The following FKBP15 variants were observed in gnomAD, a reference collection of about 807,000 sequenced individuals.
FKBP15 encodes the protein FK506-binding protein 15.
FKBP15 carries 106 observed loss-of-function variants against 158.1 expected under a neutral mutation model. The observed-to-expected ratio is 0.67, with a 90% CI of 0.57 to 0.79. FKBP15 has a LOEUF of 0.79. Among genes scored for constraint, FKBP15 ranks in the 30% least tolerant of loss-of-function variants. The pLI, the probability that FKBP15 is intolerant of heterozygous loss-of-function variation, is 0.00. For missense variants in FKBP15, 1,287 were observed against 1,479.1 expected (o/e 0.87, Z 2.13); for synonymous variants, 547 against 548.6 (o/e 1.00, Z 0.04).
chr9:113,202,995 G>A lies in FKBP15; in HGVS notation c.365C>T (p.Thr122Met), dbSNP rs748094312. The A allele has an allele frequency of 2.7e-5, 44 of 1,612,442 alleles. No homozygotes were observed. The highest frequency in any genetic ancestry group is 8.9e-5 in the East Asian group (4 of 44,838). Residue 122 changes from threonine (T) to methionine (M), a missense_variant, in exon 5 of 28, where the codon ACG (threonine) becomes ATG (methionine). Physicochemically the swap from Thr to Met is moderately conservative, Grantham distance 81. Transcript: ENST00000238256. ...AAAGTTCACATGAATCCTAGCAACC[G>A]TAACTGGCTGTTGTTGACTGATATA... ...LLYISQQQPV[T>M]VARIHVNFEL...
chr9:113,166,130 G>A lies in FKBP15; in HGVS notation c.3608C>T (p.Thr1203Met), dbSNP rs369118111. 9 of 1,613,464 alleles carry A rather than the reference G, an allele frequency of 5.6e-6. No homozygotes were observed. The highest frequency in any genetic ancestry group is 2.2e-5 in the East Asian group (1 of 44,892). The change falls in exon 28 of 28, where the codon ACG becomes ATG. Residue 1203 changes from threonine to methionine, a missense_variant. Transcript: ENST00000238256. ...EVSMKGRPPP[T>M]PLFGDDDDDD... ...ATCATCATCATCTCCAAAAAGGGGC[G>A]TTGGGGGCGGGCGTCCCTTCATGCT... is the stretch of plus-strand genomic sequence containing the variant.
intron 15 of FKBP15, 89 bp downstream of exon 15, chr9:113,186,160 G>A (rs142603687): frequency 1.2e-6 from 1 of 837,132 alleles, no homozygotes; most frequent in Admixed American, 2.1e-5. Context: ...AATGAGTAGA[G>A]AGCTGTTGGT....
intron 3 of FKBP15, 33 bp downstream of exon 3, chr9:113,207,179 A>C (rs999939388): frequency 6.4e-7 from 1 of 1,574,584 alleles, no homozygotes; most frequent in Non-Finnish European, 8.7e-7. Context: ...CCTTCCACCA[A>C]ACTTCAGAGG....
intron 1 of FKBP15, among the ~76,000 whole-genome samples, chr9:113,217,490 G>A (rs572682660): frequency 2.9e-4 from 44 of 152,160 alleles, no homozygotes; most frequent in African/African-American, 1.0e-3. Context: ...GATTACAAGC[G>A]TGAACCACCA....
intron 2 of FKBP15, among the ~76,000 whole-genome samples, chr9:113,210,204 G>C (rs540177901): frequency 6.6e-6 from 1 of 152,206 alleles, no homozygotes; most frequent in East Asian, 1.9e-4. Flanking sequence ...TCTTAGAGAA[G>C]CACTCACCAC....
chr9:113,192,016 T>TA (rs1049076419), intron 11 of FKBP15, among the ~76,000 whole-genome samples: 3 of 145,474 alleles, frequency 2.1e-5, no homozygotes, highest in East Asian at 2.0e-4. Context: ...TTGCCTCCAT[T>TA]AAAAAAAACA....
chr9:113,167,386 AG>A (rs1830115438), intron 27 of FKBP15, among the ~76,000 whole-genome samples: 1 of 152,196 alleles, frequency 6.6e-6, no homozygotes, highest in Non-Finnish European at 1.5e-5. Context: ...AACTATATTT[AG>A]GGCAGTCACT....
intron 21 of FKBP15, among the ~76,000 whole-genome samples, chr9:113,175,738 A>C (rs1830288250): frequency 2.0e-5 from 3 of 152,250 alleles, no homozygotes; most frequent in Non-Finnish European, 4.4e-5. Context: ...CACTAAAGAG[A>C]GAATGTACAT....
chr9:113,205,106 G>T (rs28830537), intron 4 of FKBP15, among the ~76,000 whole-genome samples: 34,803 of 152,016 alleles, frequency 0.23, 4,727 homozygotes, highest in African/African-American at 0.36. Flanking sequence ...GAGGTGAATC[G>T]TCATGACCTT....
chr9:113,166,102 G>A lies in FKBP15; in HGVS notation c.3636C>T (p.Asp1212=), dbSNP rs113480944. ...TTCATCCCAGCCAGTCAATGTCATC[G>A]TCATCATCATCATCTCCAAAAAGGG... ...PTPLFGDDDD[D]DDIDWLG The change falls in exon 28 of 28, where the codon GAC becomes GAT. Residue 1212 remains aspartate, a synonymous_variant. Coordinates refer to ENST00000238256, the MANE Select transcript of FKBP15 (RefSeq NM_015258.2). 4.5e-5 allele frequency: 72 copies of A among 1,613,468 alleles called. 1 individual carries two copies. Among genetic ancestry groups the A allele is most frequent in the Admixed American group, 2.8e-4 (17 of 59,978 alleles).
At chr9:113,215,022 T>C (rs1289900863) in intron 1 of FKBP15, among the ~76,000 whole-genome samples, 1 of 152,242 alleles carries the variant, frequency 6.6e-6, no homozygotes, top group Non-Finnish European at 1.5e-5. Context: ...TTTAAGGAAA[T>C]TTGTGACTGG....
At chr9:113,171,817 A>G in intron 23 of FKBP15, 111 bp from the exon 24 acceptor site, 4 of 912,094 alleles carry the variant, frequency 4.4e-6, no homozygotes, top group Non-Finnish European at 6.1e-6. Flanking sequence ...TTTTTTGCAT[A>G]TAATAAAAAG....
intron 27 of FKBP15, among the ~76,000 whole-genome samples, chr9:113,167,349 T>C (rs963309948): frequency 3.2e-4 from 48 of 152,214 alleles, no homozygotes; most frequent in African/African-American, 1.1e-3. Flanking sequence ...CTAATACCAA[T>C]AATATGCTCA....
At position 113,165,004 on chromosome 9, in the gene FKBP15, A is replaced by ACAT; in HGVS notation, c.*1071_*1073dup. The ACAT allele has an allele frequency of 6.6e-6, 1 of 152,292 alleles. No individual in the cohort carries two copies. The highest frequency in any genetic ancestry group is 3.4e-3 in the Middle Eastern group (1 of 294). The allele number at this position is 152,292 out of a possible 1,614,324, so 9.4% of individuals were successfully genotyped here. On this transcript the variant is annotated 3_prime_UTR_variant, in exon 28 of 28. Coordinates refer to ENST00000238256, the MANE Select transcript of FKBP15 (RefSeq NM_015258.2). Reference sequence around the variant, plus strand: ...GGAATTTTGGGTCCTATCTTTTAAAACATTTAAAATCAAGAAACATTTTTT... The same window carrying ACAT: ...GGAATTTTGGGTCCTATCTTTTAAAACATCATTTAAAATCAAGAAACATTTTTT...
intron 1 of FKBP15, among the ~76,000 whole-genome samples, chr9:113,215,753 G>A (rs965287111): frequency 6.1e-5 from 9 of 147,380 alleles, no homozygotes; most frequent in African/African-American, 1.3e-4. Flanking sequence ...GGGTTCAAGC[G>A]ATTCACATGC....
chr9:113,174,433 C>G lies in FKBP15; in HGVS notation c.2374G>C (p.Glu792Gln). Residue 792 changes from glutamate (E) to glutamine (Q), a missense_variant, in exon 22 of 28, where the codon GAG becomes CAG. Transcript: ENST00000238256. ...GTGCTTCAGTTTCCCATTACCTGCT[C>G]TGCAGCTGCTTGGTCTGTGGACACT... is the stretch of plus-strand genomic sequence containing the variant. The part of the protein sequence containing the change: ...TRVSTDQAAA[E>Q]QLSLVQAELQ... 1 of 1,613,744 alleles carries G rather than the reference C, an allele frequency of 6.2e-7. No homozygotes were observed. The highest frequency in any genetic ancestry group is 8.5e-7 in the Non-Finnish European group (1 of 1,179,752).
chr9:113,175,623 A>C (rs184935294), intron 21 of FKBP15, among the ~76,000 whole-genome samples: 4 of 152,364 alleles, frequency 2.6e-5, no homozygotes, highest in African/African-American at 9.6e-5. Flanking sequence ...TAAAGTTAAA[A>C]GACAGCAAGC....
At position 113,184,255 on chromosome 9, in the gene FKBP15, C is replaced by T; in HGVS notation, c.1716+37G>A. On this transcript the variant is annotated intron_variant, in intron 17 of 27. Transcript: ENST00000238256. This position sits in a 1 kb window ranked among gnomAD's most constrained non-coding sequence, Gnocchi z 4.5. ...CTCTGAGAAGAGAGGATGGGTAAGA[C>T]CTTCAGCCTGAGTGGTATGTTCTTA... The T allele has an allele frequency of 7.0e-7, 1 of 1,431,570 alleles. No homozygotes were observed. The highest frequency in any genetic ancestry group is 1.2e-5 in the South Asian group (1 of 82,118). 88.7% of individuals were successfully genotyped at this position (1,431,570 alleles called of 1,614,324 possible). A position where few individuals can be genotyped will look rare whatever the true frequency, so the allele number is the denominator to read the frequency against.
At chr9:113,200,026 T>C in intron 6 of FKBP15, 63 bp from the exon 7 acceptor site, 1 of 1,504,016 alleles carries the variant, frequency 6.6e-7, no homozygotes, top group South Asian at 1.3e-5. Flanking sequence ...CATTCCTTTA[T>C]TGCTACTGCT....
Sources: allele counts gnomAD v4.1 joint callset (sites outside exome capture counted in the v4.1 genomes callset), GRCh38; gene constraint gnomAD v4.1.1; non-coding constraint Gnocchi (gnomAD v3.1); transcripts MANE v1.5; gene names NCBI Gene and HGNC (gene_info 2026-07-23, HGNC 2026-07-21).